Variants in UGT1A6 observed in about 807,000 individuals in gnomAD.
UGT1A6 encodes UDP-glucuronosyltransferase 1A6.
UGT1A6 carries 32 observed loss-of-function variants against 44.4 expected under a neutral mutation model. The observed-to-expected ratio is 0.72, with a 90% CI of 0.54 to 0.97. The LOEUF is 0.97. Among genes scored for constraint, UGT1A6 ranks in the 50% least tolerant of loss-of-function variants. The pLI, the probability that UGT1A6 is intolerant of heterozygous loss-of-function variation, is 0.00. For synonymous variants in UGT1A6, 238 were observed against 248.5 expected, an observed-to-expected ratio of 0.96 and a Z score of 0.40; for missense variants, 685 against 661.9, an observed-to-expected ratio of 1.03 and a Z score of -0.38.
At chr2:233,750,259 G>A (rs1161591814) in intron 1 of UGT1A6, among the ~76,000 whole-genome samples, 1 of 151,924 alleles carries the variant, frequency 6.6e-6, no homozygotes, top group Non-Finnish European at 1.5e-5. Flanking sequence ...GGTCACCCTT[G>A]CTATGCTTTA....
At chr2:233,694,906 C>T (rs536764426) in intron 1 of UGT1A6, among the ~76,000 whole-genome samples, 2 of 152,312 alleles carry the variant, frequency 1.3e-5, no homozygotes, top group South Asian at 2.1e-4. Context: ...TTTTGATACA[C>T]GTATACAATG....
rs143254112 is a variant in UGT1A6 at position 233,713,145 on chromosome 2, C to T, written c.861+19280C>T. The T allele has an allele frequency of 2.8e-5, 45 of 1,614,224 alleles. No individual in the cohort carries two copies. In the African/African-American group the frequency reaches 5.5e-4, roughly 20 times the overall value. Reference sequence around the variant, plus strand: ...CATGCGGGAGGCCTTGCGGGACCTCCATGCGAGAGGCCACCAGGTGGTGGT... The same window carrying T: ...CATGCGGGAGGCCTTGCGGGACCTCTATGCGAGAGGCCACCAGGTGGTGGT... On this transcript the variant is annotated intron_variant, in intron 1 of 4. Coordinates refer to ENST00000305139, the MANE Select transcript of UGT1A6 (RefSeq NM_001072.4).
rs1559354057 is a variant in UGT1A6 at position 233,705,289 on chromosome 2, C to T, written c.861+11424C>T. Among the ~76,000 whole-genome samples, 7 of 152,252 alleles carry T rather than the reference C, an allele frequency of 4.6e-5. 1 individual carries two copies. In the Middle Eastern group the frequency reaches 0.017, roughly 370 times the overall value. ...ACTTGCTTTCAACCTGAAGAACTTC[C>T]TTTAGTATTTCTTGTAAGTTGAGTT... On this transcript the variant is annotated intron_variant, in intron 1 of 4. Transcript: ENST00000305139.
intron 1 of UGT1A6, chr2:233,713,632 T>G: frequency 3.1e-6 from 5 of 1,613,964 alleles, no homozygotes; most frequent in Non-Finnish European, 3.4e-6. Flanking sequence ...GTCAAGAACA[T>G]GCTCTACCCT....
intron 1 of UGT1A6, among the ~76,000 whole-genome samples, chr2:233,702,926 A>C (rs1284253822): frequency 1.3e-5 from 2 of 152,120 alleles, no homozygotes; most frequent in Non-Finnish European, 2.9e-5. Flanking sequence ...TTTCTTGCGG[A>C]GCCTTGGTCT....
intron 1 of UGT1A6, chr2:233,713,548 A>G (rs1398367800): frequency 6.8e-6 from 11 of 1,613,866 alleles, no homozygotes; most frequent in Admixed American, 1.7e-5. Flanking sequence ...AAGGGCACAC[A>G]GTGTCCAAAC....
intron 1 of UGT1A6, among the ~76,000 whole-genome samples, chr2:233,722,482 A>G (rs1187534654): frequency 6.6e-6 from 1 of 151,926 alleles, no homozygotes; most frequent in Non-Finnish European, 1.5e-5. Context: ...TATTCTTTTC[A>G]CTGTTTCATT....
At chr2:233,717,067 A>C (rs1289809173) in intron 1 of UGT1A6, among the ~76,000 whole-genome samples, 2 of 152,174 alleles carry the variant, frequency 1.3e-5, no homozygotes, top group Non-Finnish European at 2.9e-5. Flanking sequence ...GGAGTGCCAG[A>C]CACGTAACCA....
Position 233,769,609 on chromosome 2 carries a change from C to T in UGT1A6, c.1301+1170C>T, listed in dbSNP as rs776582226. The T allele has an allele frequency of 3.7e-6, 6 of 1,612,752 alleles. No individual in the cohort carries two copies. Among genetic ancestry groups the T allele is most frequent in the Non-Finnish European group, 5.1e-6 (6 of 1,179,862 alleles). On this transcript the variant is annotated intron_variant, in intron 4 of 4. Transcript: ENST00000305139. The surrounding 1 kb of genome is among the most constrained non-coding windows in gnomAD (Gnocchi z 4.4). ...AGAGGAGACGGAACACGGGGACACACCAGCTTGAGCAAGGGACAACAGGGG... is the reference window on the plus strand; with the variant it reads ...AGAGGAGACGGAACACGGGGACACATCAGCTTGAGCAAGGGACAACAGGGG...
Position 233,692,920 on chromosome 2 carries a change from GT to G in UGT1A6, c.-83del. On this transcript the variant is annotated 5_prime_UTR_variant, in exon 1 of 5. Coordinates refer to ENST00000305139, the MANE Select transcript of UGT1A6 (RefSeq NM_001072.4). ...TAGACAGGACCTGTGAAAAGCAGTGGTTAGTTTAGGGAAAATACCTAGGAGC... is the reference window on the plus strand; with the variant it reads ...TAGACAGGACCTGTGAAAAGCAGTGGTAGTTTAGGGAAAATACCTAGGAGC... 6.4e-7 allele frequency: 1 copy of G among 1,571,834 alleles called. No homozygotes were observed. Among genetic ancestry groups the G allele is most frequent in the Non-Finnish European group, 8.6e-7 (1 of 1,163,872 alleles).
rs531220267 is a variant in UGT1A6, at chr2:233,732,395, C to A, written c.862-34639C>A. On this transcript the variant is annotated intron_variant, in intron 1 of 4. Coordinates refer to ENST00000305139, the MANE Select transcript of UGT1A6 (RefSeq NM_001072.4). ...CTATGTCTTCTAGGCCATGCCTATGCCTAAATGATATTGCCTAGGTTTTCT... is the reference window on the plus strand; with the variant it reads ...CTATGTCTTCTAGGCCATGCCTATGACTAAATGATATTGCCTAGGTTTTCT... Among the ~76,000 whole-genome samples, 4 of 152,284 alleles carry A rather than the reference C, an allele frequency of 2.6e-5. No individual in the cohort carries two copies. The East Asian group carries it at 7.7e-4, about 29-fold the overall frequency.
At chr2:233,738,677 A>G (rs1328958529) in intron 1 of UGT1A6, among the ~76,000 whole-genome samples, 1 of 152,198 alleles carries the variant, frequency 6.6e-6, no homozygotes, top group African/African-American at 2.4e-5. Context: ...AGATGATCTG[A>G]AATTGGAACT....
chr2:233,749,829 T>C (rs758485445), intron 1 of UGT1A6, among the ~76,000 whole-genome samples: 1 of 151,956 alleles, frequency 6.6e-6, no homozygotes, highest in Non-Finnish European at 1.5e-5. Context: ...CTCTCTTTCA[T>C]GTAAGACGTG....
intron 1 of UGT1A6, among the ~76,000 whole-genome samples, chr2:233,736,165 G>T (rs533285485): frequency 6.6e-6 from 1 of 152,206 alleles, no homozygotes; most frequent in Non-Finnish European, 1.5e-5. Flanking sequence ...CGTAGATTTG[G>T]TCTTTCCACA....
At chr2:233,762,468 G>A (rs976449997) in intron 1 of UGT1A6, among the ~76,000 whole-genome samples, 1 of 152,122 alleles carries the variant, frequency 6.6e-6, no homozygotes, top group Non-Finnish European at 1.5e-5. Context: ...TAATGTCATG[G>A]ATATCACTCC....
intron 1 of UGT1A6, chr2:233,760,236 A>G: frequency 1.3e-6 from 2 of 1,590,176 alleles, no homozygotes; most frequent in Non-Finnish European, 1.7e-6. Context: ...TTTTTGCCAT[A>G]TATATATATA....
intron 1 of UGT1A6, among the ~76,000 whole-genome samples, chr2:233,724,980 CGCGGT>C (rs751350533): frequency 0.034 from 4,857 of 144,196 alleles, 246 homozygotes; most frequent in African/African-American, 0.053. Flanking sequence ...GCGGATCACT[CGCGGT>C]TAGGGGCTGG....
intron 1 of UGT1A6, among the ~76,000 whole-genome samples, chr2:233,758,507 A>T (rs1490366523): frequency 6.6e-6 from 1 of 152,224 alleles, no homozygotes; most frequent in Non-Finnish European, 1.5e-5. Flanking sequence ...TCTAATAAGG[A>T]CACAACAAAG....
At position 233,707,178 on chromosome 2, in the gene UGT1A6, G is replaced by A. The variant is rs188672794; in HGVS notation, c.861+13313G>A. 2.8e-3 allele frequency among the ~76,000 whole-genome samples: 419 copies of A among 152,098 alleles called. 4 individuals are homozygous for A. Among genetic ancestry groups the A allele is most frequent in the African/African-American group, 9.8e-3 (406 of 41,496 alleles). Reference sequence around the variant, plus strand: ...TATCAGCACCCAGACATCCATCCTGGGTGCCTGCCCTCCGTTCTATTCCCT... The same window carrying A: ...TATCAGCACCCAGACATCCATCCTGAGTGCCTGCCCTCCGTTCTATTCCCT... On this transcript the variant is annotated intron_variant, in intron 1 of 4. Coordinates refer to ENST00000305139, the MANE Select transcript of UGT1A6 (RefSeq NM_001072.4).
Sources: gnomAD v4.1 joint callset for allele counts (sites outside exome capture counted in the v4.1 genomes callset) on GRCh38, gnomAD v4.1.1 for gene constraint, Gnocchi (gnomAD v3.1) non-coding constraint, MANE v1.5 for transcripts, NCBI Gene and HGNC (gene_info 2026-07-23, HGNC 2026-07-21) for gene names.